The following MED13L variants were observed in gnomAD, a reference collection of about 807,000 sequenced individuals.
The protein encoded by MED13L is mediator of RNA polymerase II transcription subunit 13-like.
In MED13L, 7 loss-of-function variants were observed where a neutral mutation model predicts 220.9. The ratio of observed to expected loss-of-function variants is 0.03; its 90% CI spans 0.02 to 0.06. MED13L has a LOEUF of 0.06. Among genes scored for constraint, MED13L ranks in the 10% least tolerant of loss-of-function variants. The pLI is 1.00. For synonymous variants in MED13L, 1,011 were observed against 1,015.2 expected (o/e 1.00, Z 0.08); for missense variants, 1,965 against 2,760.5 (o/e 0.71, Z 6.46).
chr12:116,139,323 T>C (rs929226786), intron 2 of MED13L, among the ~76,000 whole-genome samples: 2 of 152,234 alleles, frequency 1.3e-5, no homozygotes, highest in African/African-American at 2.4e-5. Context: ...TGAAAACTTA[T>C]AGGTTCGCTA....
Position 115,975,746 on chromosome 12 carries a change from C to G in MED13L, c.5365-8G>C, listed in dbSNP as rs1159873320. 1.2e-6 allele frequency: 2 copies of G among 1,610,782 alleles called. No individual in the cohort carries two copies. The highest frequency in any genetic ancestry group is 1.7e-6 in the Non-Finnish European group (2 of 1,177,850). On this transcript the variant is annotated splice_polypyrimidine_tract_variant and splice_region_variant and intron_variant, in intron 23 of 30. Coordinates refer to ENST00000281928, the MANE Select transcript of MED13L (RefSeq NM_015335.5). The stretch of plus-strand genomic sequence containing the variant: ...CTGGATTGGGCTGGGCCGCTGAAAT[C>G]AAAACCAAAATCAATATCAGTACAA...
intron 17 of MED13L, among the ~76,000 whole-genome samples, chr12:115,989,353 C>G (rs1328521342): frequency 1.3e-5 from 2 of 152,100 alleles, no homozygotes; most frequent in African/African-American, 4.8e-5. Flanking sequence ...TCTTGAAACA[C>G]TGGCTACCCC....
chr12:116,102,703 C>CCTTTTTTTTTTTTTTTTTTT lies in MED13L; in HGVS notation c.396-5952_396-5951insAAAAAAAAAAAAAAAAAAAG, dbSNP rs1873175799. Among the ~76,000 whole-genome samples, 4 of 63,204 alleles carry CCTTTTTTTTTTTTTTTTTTT rather than the reference C, an allele frequency of 6.3e-5. 1 individual carries two copies. The highest frequency in any genetic ancestry group is 1.1e-4 in the African/African-American group (2 of 18,676). The allele number at this position is 63,204 out of a possible 152,430, so 41.5% of individuals were successfully genotyped here. On this transcript the variant is annotated intron_variant, in intron 3 of 30. Coordinates refer to ENST00000281928, the MANE Select transcript of MED13L (RefSeq NM_015335.5). ...ATCCCTATATTTTCTTTTTCTTTTT[C>CCTTTTTTTTTTTTTTTTTTT]TTTTTTCTTTTTTTTTTTTTTTTTT...
At chr12:116,083,143 A>G (rs997187240) in intron 4 of MED13L, among the ~76,000 whole-genome samples, 1 of 152,176 alleles carries the variant, frequency 6.6e-6, no homozygotes, top group Non-Finnish European at 1.5e-5. Context: ...GTGGTGGCTC[A>G]TACCTGTAAT....
At chr12:116,276,857 A>T (rs763538862) in intron 1 of MED13L, 5 of 1,006,856 alleles carry the variant, frequency 5.0e-6, no homozygotes, top group Non-Finnish European at 7.1e-6. Flanking sequence ...AATGATTTTT[A>T]AAGAGCCAAA....
At position 116,277,287 on chromosome 12, in the gene MED13L, G is replaced by A. The variant is rs1873952182; in HGVS notation, c.-156C>T. ...CGCGAGGGCCGGCGGGCAGGCGGGA[G>A]GCGCCGCGGCGACGCCGCGCCGGGG... On this transcript the variant is annotated 5_prime_UTR_variant, in exon 1 of 31. Coordinates refer to ENST00000281928, the MANE Select transcript of MED13L (RefSeq NM_015335.5). 6.3e-6 allele frequency: 1 copy of A among 158,166 alleles called. No individual in the cohort carries two copies. The highest frequency in any genetic ancestry group is 1.3e-5 in the Non-Finnish European group (1 of 76,746). The allele number at this position is 158,166 out of a possible 1,614,324, so 9.8% of individuals were successfully genotyped here.
chr12:116,238,127 T>C (rs946065053), intron 1 of MED13L, among the ~76,000 whole-genome samples: 1 of 152,216 alleles, frequency 6.6e-6, no homozygotes, highest in Non-Finnish European at 1.5e-5. Flanking sequence ...TTTCTTCCCA[T>C]CCACAAGCCA....
In MED13L at chr12:116,073,914, G is replaced by T. The variant is rs182186954; in HGVS notation, c.479+22755C>A. Among the ~76,000 whole-genome samples, 26 of 152,284 alleles carry T rather than the reference G, an allele frequency of 1.7e-4. No individual in the cohort carries two copies. The East Asian group carries it at 4.1e-3, about 24-fold the overall frequency. The stretch of plus-strand genomic sequence containing the variant: ...ATGAAATTAACTCTTTTCAACGTAA[G>T]ATTCATCCTGCATCAGAGAAGAATA... On this transcript the variant is annotated intron_variant, in intron 4 of 30. Transcript: ENST00000281928.
chr12:116,159,873 C>A (rs1487061592), intron 2 of MED13L, among the ~76,000 whole-genome samples: 1 of 152,120 alleles, frequency 6.6e-6, no homozygotes, highest in Non-Finnish European at 1.5e-5. Context: ...GTGCCACATC[C>A]TGCTATTTCA....
intron 2 of MED13L, among the ~76,000 whole-genome samples, chr12:116,221,760 C>T (rs1480196130): frequency 6.6e-6 from 1 of 151,996 alleles, no homozygotes; most frequent in African/African-American, 2.4e-5. Context: ...CTATGTGATA[C>T]TAATAAAAAG....
chr12:116,176,463 GA>G (rs1034299173), intron 2 of MED13L, among the ~76,000 whole-genome samples: 1 of 152,024 alleles, frequency 6.6e-6, no homozygotes, highest in African/African-American at 2.4e-5. Context: ...GAGTAGCAAA[GA>G]AAAAGGGTGA....
At chr12:116,274,722 AAG>A (rs1379588422) in intron 1 of MED13L, among the ~76,000 whole-genome samples, 1 of 152,060 alleles carries the variant, frequency 6.6e-6, no homozygotes, top group African/African-American at 2.4e-5. Flanking sequence ...CAAGAGAATG[AAG>A]ACATTCTACG....
At chr12:116,225,459 A>G (rs1045065635) in intron 2 of MED13L, among the ~76,000 whole-genome samples, 1 of 152,214 alleles carries the variant, frequency 6.6e-6, no homozygotes, top group African/African-American at 2.4e-5. Flanking sequence ...TTTCCAAAAT[A>G]GGAGTTATTG....
intron 2 of MED13L, among the ~76,000 whole-genome samples, chr12:116,140,571 G>C (rs1210538542): frequency 1.3e-5 from 2 of 152,168 alleles, no homozygotes; most frequent in African/African-American, 4.8e-5. Flanking sequence ...TTTTTAAACA[G>C]AGCAGCTACC....
chr12:116,007,363 T>A, intron 11 of MED13L, 48 bp downstream of exon 11: 2 of 1,539,370 alleles, frequency 1.3e-6, no homozygotes, highest in Non-Finnish European at 1.8e-6. Context: ...TGTACTGACA[T>A]AGATAGAAAC....
chr12:116,101,993 T>C (rs2137842772), intron 3 of MED13L, among the ~76,000 whole-genome samples: 1 of 152,336 alleles, frequency 6.6e-6, no homozygotes. Flanking sequence ...TAGTACAATA[T>C]TATCTGGCAA....
intron 2 of MED13L, among the ~76,000 whole-genome samples, chr12:116,169,980 G>A (rs2138177988): frequency 6.6e-6 from 1 of 152,302 alleles, no homozygotes; most frequent in East Asian, 1.9e-4. Context: ...TCACGCCACT[G>A]CACTCCTGTC....
At chr12:116,066,567 CAATT>C (rs1869942519) in intron 4 of MED13L, among the ~76,000 whole-genome samples, 2 of 152,102 alleles carry the variant, frequency 1.3e-5, no homozygotes, top group Non-Finnish European at 2.9e-5. Flanking sequence ...TCAAAAACCG[CAATT>C]ACTTTTGCAC....
At chr12:115,975,059 G>C (rs1451604252) in intron 25 of MED13L, 112 bp downstream of exon 25, 3 of 1,102,110 alleles carry the variant, frequency 2.7e-6, no homozygotes, top group Admixed American at 1.9e-5. Flanking sequence ...TCATAAAATA[G>C]AATCTGTTTA....
Sources: gnomAD v4.1 joint callset for allele counts (sites outside exome capture counted in the v4.1 genomes callset) on GRCh38, gnomAD v4.1.1 for gene constraint, MANE v1.5 for transcripts, NCBI Gene and HGNC (gene_info 2026-07-23, HGNC 2026-07-21) for gene names.